Variants in ENAH observed in about 807,000 individuals in gnomAD.
ENAH encodes ENAH actin regulator, also known as protein enabled homolog.
Under a neutral mutation model 78.7 loss-of-function variants are expected in ENAH, and 23 were observed. The observed-to-expected ratio is 0.29, with a 90% CI of 0.21 to 0.41. The LOEUF (loss-of-function observed/expected upper bound fraction) is 0.41, where lower values mean the gene tolerates loss of function less well. ENAH is among the 10% of genes least tolerant of loss of function. The pLI, the probability that ENAH is intolerant of heterozygous loss-of-function variation, is 1.00. For missense variants in ENAH, 544 were observed against 691.0 expected (o/e 0.79, Z 2.39); for synonymous variants, 226 against 241.0 (o/e 0.94, Z 0.58).
chr1:225,624,856 G>T (rs1034835672), intron 1 of ENAH, among the ~76,000 whole-genome samples: 1 of 152,248 alleles, frequency 6.6e-6, no homozygotes, highest in South Asian at 2.1e-4. Context: ...TCACAGGGTT[G>T]ATTCTTCCCA....
intron 10 of ENAH, 147 bp from the exon 11 acceptor site, chr1:225,508,164 CT>C (rs1558719864): frequency 2.2e-6 from 1 of 463,792 alleles, no homozygotes; most frequent in Non-Finnish European, 3.6e-6. Context: ...TAATTGAAAT[CT>C]GTAAGGACTC....
intron 1 of ENAH, among the ~76,000 whole-genome samples, chr1:225,610,763 G>A (rs890193362): frequency 6.6e-6 from 1 of 152,100 alleles, no homozygotes; most frequent in Non-Finnish European, 1.5e-5. Context: ...ACATTTTAAC[G>A]CTAGTACGAT....
intron 10 of ENAH, among the ~76,000 whole-genome samples, chr1:225,509,050 CTCA>C (rs1251045230): frequency 6.6e-6 from 1 of 152,146 alleles, no homozygotes; most frequent in Non-Finnish European, 1.5e-5. Flanking sequence ...TGCTTTACTC[CTCA>C]TCAACTAAAT....
At chr1:225,505,143 CA>C (rs2096316031) in intron 11 of ENAH, 1 of 871,792 alleles carries the variant, frequency 1.1e-6, no homozygotes, top group Non-Finnish European at 1.7e-6. Flanking sequence ...TTGTTAATAG[CA>C]AACAAAACAA....
At position 225,564,200 on chromosome 1, in the gene ENAH, C is replaced by T. The variant is rs140445552; in HGVS notation, c.171+3049G>A. On this transcript the variant is annotated intron_variant, in intron 2 of 13. Transcript: ENST00000366843. ...GCACAATCACACTTACTACAGTCTC[C>T]ACCTTCCAGGTTTAAGTGATTCTTC... Among the ~76,000 whole-genome samples, 861 of 152,174 alleles carry T rather than the reference C, an allele frequency of 5.7e-3. 8 individuals are homozygous for T. Among genetic ancestry groups the T allele is most frequent in the Non-Finnish European group, 8.5e-3 (577 of 67,986 alleles).
At chr1:225,569,737 T>G (rs1302449398) in intron 1 of ENAH, among the ~76,000 whole-genome samples, 1 of 152,146 alleles carries the variant, frequency 6.6e-6, no homozygotes, top group Non-Finnish European at 1.5e-5. Flanking sequence ...AAAAGAAATC[T>G]TCAAAATGAA....
intron 1 of ENAH, among the ~76,000 whole-genome samples, chr1:225,604,584 G>A (rs1420691563): frequency 7.0e-6 from 1 of 142,064 alleles, no homozygotes; most frequent in African/African-American, 2.7e-5. Context: ...AGGAGTTCGA[G>A]ACCAGCCTGG....
chr1:225,584,632 T>C (rs2096836292), intron 1 of ENAH, among the ~76,000 whole-genome samples: 1 of 152,074 alleles, frequency 6.6e-6, no homozygotes, highest in African/African-American at 2.4e-5. Context: ...AAAGAATCAA[T>C]TACATGCTGC....
chr1:225,573,731 A>G (rs1044403896), intron 1 of ENAH, among the ~76,000 whole-genome samples: 4 of 152,214 alleles, frequency 2.6e-5, no homozygotes, highest in African/African-American at 9.7e-5. Context: ...AATCAAAAGG[A>G]GGAAAAAAAT....
In ENAH at chr1:225,496,818, A is replaced by G. The variant is rs2096251834; in HGVS notation, c.*957T>C. On this transcript the variant is annotated 3_prime_UTR_variant, in exon 14 of 14. Transcript: ENST00000366843. ...TTCCTCCCCTTCCTCCCACTCCCCT[A>G]TACTCTACAAAATGTTTTCCCTGGG... 2 of 152,620 alleles carry G rather than the reference A, an allele frequency of 1.3e-5. No individual in the cohort carries two copies. Among genetic ancestry groups the G allele is most frequent in the South Asian group, 4.1e-4 (2 of 4,832 alleles). The allele number at this position is 152,620 out of a possible 1,614,324, so 9.5% of individuals were successfully genotyped here.
rs757976853 is a variant in ENAH at position 225,566,777 on chromosome 1, T to C, written c.171+472A>G. On this transcript the variant is annotated intron_variant, in intron 2 of 13. Coordinates refer to ENST00000366843, the MANE Select transcript of ENAH (RefSeq NM_018212.6). ...CTTAGCTGTCGCCCCAGACATGAAC[T>C]GCAAAAGCCAAACTATTCCAGCAAC... 8.7e-4 allele frequency among the ~76,000 whole-genome samples: 133 copies of C among 152,336 alleles called. 1 individual carries two copies. Among genetic ancestry groups the C allele is most frequent in the Non-Finnish European group, 5.6e-4 (38 of 68,030 alleles).
intron 1 of ENAH, among the ~76,000 whole-genome samples, chr1:225,598,080 C>G (rs1241259209): frequency 1.3e-5 from 2 of 152,096 alleles, no homozygotes; most frequent in Admixed American, 1.3e-4. Context: ...CTGAAGAAAC[C>G]TACCTTCTTC....
chr1:225,547,557 C>CAGT (rs1267215354), intron 3 of ENAH, among the ~76,000 whole-genome samples: 2 of 152,196 alleles, frequency 1.3e-5, no homozygotes, highest in East Asian at 3.9e-4. Flanking sequence ...TTACAGCCTC[C>CAGT]AGTAGCTCCC....
chr1:225,519,702 T>G, intron 4 of ENAH, 137 bp from the exon 5 acceptor site: 2 of 1,289,196 alleles, frequency 1.6e-6, no homozygotes, highest in African/African-American at 1.5e-5. Context: ...TCCTCCCACA[T>G]GAAGGCTACC....
At chr1:225,528,476 G>A (rs562424181) in intron 4 of ENAH, among the ~76,000 whole-genome samples, 2 of 152,160 alleles carry the variant, frequency 1.3e-5, no homozygotes, top group Non-Finnish European at 2.9e-5. Flanking sequence ...GATGTGAGGA[G>A]AGGCAGCCAT....
chr1:225,609,264 CTGAG>C (rs1428624162), intron 1 of ENAH, among the ~76,000 whole-genome samples: 2 of 151,654 alleles, frequency 1.3e-5, no homozygotes, highest in Non-Finnish European at 2.9e-5. Context: ...ATAGTCTGAG[CTGAG>C]TAAGTGATGA....
At chr1:225,641,547 A>G (rs1217525399) in intron 1 of ENAH, among the ~76,000 whole-genome samples, 3 of 151,942 alleles carry the variant, frequency 2.0e-5, no homozygotes, top group Non-Finnish European at 4.4e-5. Flanking sequence ...ATAAAATTTT[A>G]AATCTTAATA....
intron 1 of ENAH, 164 bp downstream of exon 1, chr1:225,652,522 G>T: frequency 1.2e-6 from 1 of 844,532 alleles, no homozygotes; most frequent in Non-Finnish European, 1.4e-6. Context: ...TTCCAAGAAA[G>T]AAAGAGAAAT....
At chr1:225,516,692 G>A (rs564105735) in intron 6 of ENAH, among the ~76,000 whole-genome samples, 1 of 152,092 alleles carries the variant, frequency 6.6e-6, no homozygotes, top group African/African-American at 2.4e-5. Context: ...TGGCCAACAT[G>A]ACAAAACCCT....
Sources: gnomAD v4.1 joint callset for allele counts (sites outside exome capture counted in the v4.1 genomes callset) on GRCh38, gnomAD v4.1.1 for gene constraint, MANE v1.5 for transcripts, NCBI Gene and HGNC (gene_info 2026-07-23, HGNC 2026-07-21) for gene names.